The following VPS9D1 variants were observed in gnomAD, a reference collection of about 807,000 sequenced individuals.
VPS9D1 encodes the protein VPS9 domain containing 1, also known as VPS9 domain-containing protein 1.
VPS9D1 carries 78 observed loss-of-function variants against 75.8 expected under a neutral mutation model. The observed-to-expected ratio is 1.03, with a 90% CI of 0.86 to 1.24. The LOEUF (loss-of-function observed/expected upper bound fraction) is 1.24, where lower values mean the gene tolerates loss of function less well. Ranked by LOEUF, VPS9D1 falls within the 50% of genes most tolerant of loss-of-function variation. The pLI is 0.00. For missense variants in VPS9D1, 1,057 were observed against 847.7 expected (o/e 1.25, Z -3.07); for synonymous variants, 481 against 385.6 (o/e 1.25, Z -2.90).
chr16:89,708,005 C>T, intron 14 of VPS9D1, 51 bp from the exon 15 acceptor site: 1 of 1,549,580 alleles, frequency 6.5e-7, no homozygotes, highest in Non-Finnish European at 8.9e-7. Context: ...CAGAAGGATA[C>T]CCCCGGCCCT....
Position 89,710,623 on chromosome 16 carries a change from C to T in VPS9D1, c.1221G>A (p.Gln407=). 1 of 1,609,866 alleles carries T rather than the reference C, an allele frequency of 6.2e-7. No homozygotes were observed. Among genetic ancestry groups the T allele is most frequent in the Non-Finnish European group, 8.5e-7 (1 of 1,177,492 alleles). ...RGVQPEPQLQ[Q]LKTAVEEIHN... ...GGATCTCCTCCACCGCGGTCTTCAG[C>T]TGCTGCAGCTGGGGCTCCGGCTGTA... is the stretch of plus-strand genomic sequence containing the variant. The change falls in exon 10 of 15, where the codon CAG becomes CAA. Residue 407 remains glutamine, a synonymous_variant. Coordinates refer to ENST00000389386, the MANE Select transcript of VPS9D1 (RefSeq NM_004913.3).
intron 14 of VPS9D1, 119 bp from the exon 15 acceptor site, chr16:89,708,073 G>A: frequency 2.1e-6 from 2 of 946,150 alleles, no homozygotes; most frequent in Non-Finnish European, 3.3e-6. Flanking sequence ...GTGGGCAGGT[G>A]GGGCTGTCAG....
intron 4 of VPS9D1, among the ~76,000 whole-genome samples, chr16:89,713,615 G>C (rs2060993011): frequency 6.6e-6 from 1 of 152,102 alleles, no homozygotes; most frequent in African/African-American, 2.4e-5. Context: ...CGTTATATGT[G>C]TTTGGCAACA....
rs1219985198 is a variant in VPS9D1 at position 89,711,922 on chromosome 16, C to T, written c.707G>A (p.Arg236Gln). Residue 236 changes from arginine (R) to glutamine (Q), a missense_variant, in exon 8 of 15, where the codon CGG becomes CAG. Physicochemically the swap from Arg to Gln is conservative, Grantham distance 43. Transcript: ENST00000389386. ...CTCCAGGATGGCGGCGTAAAGGGCCCGCTGCTCCCGTTCCTCCGGGGTCAG... is the reference window on the plus strand; with the variant it reads ...CTCCAGGATGGCGGCGTAAAGGGCCTGCTGCTCCCGTTCCTCCGGGGTCAG... ...VALTPEEREQRALYAAILEYE... is the reference protein window; with the variant it reads ...VALTPEEREQQALYAAILEYE... 7.1e-6 allele frequency: 11 copies of T among 1,551,458 alleles called. No homozygotes were observed. Among genetic ancestry groups the T allele is most frequent in the Admixed American group, 2.0e-5 (1 of 51,094 alleles).
In VPS9D1 at chr16:89,720,858, C is replaced by T; in HGVS notation, c.4G>A (p.Ala2Thr). 5.7e-6 allele frequency: 8 copies of T among 1,396,546 alleles called. No homozygotes were observed. The highest frequency in any genetic ancestry group is 7.5e-6 in the Non-Finnish European group (8 of 1,069,278). The allele number at this position is 1,396,546 out of a possible 1,614,324, so 86.5% of individuals were successfully genotyped here. Residue 2 changes from alanine (A) to threonine (T), a missense_variant, in exon 1 of 15, where the codon GCC (alanine) becomes ACC (threonine). Physicochemically the swap from Ala to Thr is moderately conservative, Grantham distance 58. Transcript: ENST00000389386. The part of the protein sequence containing the change: M[A>T]AAAGDGTVKP... Reference sequence around the variant, plus strand: ...ACCGTGCCGTCCCCGGCCGCAGCGGCCATGGCGCCGAGCGGGGGAGGCGGC... The same window carrying T: ...ACCGTGCCGTCCCCGGCCGCAGCGGTCATGGCGCCGAGCGGGGGAGGCGGC...
In VPS9D1 at chr16:89,709,878, G is replaced by T; in HGVS notation, c.1287C>A (p.Ala429=). 6.2e-7 allele frequency: 1 copy of T among 1,612,988 alleles called. No individual in the cohort carries two copies. Among genetic ancestry groups the T allele is most frequent in the South Asian group, 1.1e-5 (1 of 91,040 alleles). Residue 429 remains alanine (A), a synonymous_variant, in exon 11 of 15, where the codon GCC becomes GCA. Transcript: ENST00000389386. ...VDRLLSLTLL[A]FEGLNTAASK... ...AGGCAGCTGTGTTTAGGCCTTCGAA[G>T]GCCAGAAGGGTCAGCGAGAGCAGCC...
intron 13 of VPS9D1, 100 bp from the exon 14 acceptor site, chr16:89,708,631 C>T: frequency 1.5e-6 from 2 of 1,310,918 alleles, no homozygotes; most frequent in Non-Finnish European, 2.1e-6. Flanking sequence ...GCCGCCATCT[C>T]TGTGCCCTTC....
At position 89,711,931 on chromosome 16, in the gene VPS9D1, C is replaced by G. The variant is rs770636061; in HGVS notation, c.698G>C (p.Arg233Pro). ...CSQVALTPEE[R>P]EQRALYAAIL... is the part of the protein sequence containing the mutation. The stretch of plus-strand genomic sequence containing the variant: ...GGCGGCGTAAAGGGCCCGCTGCTCC[C>G]GTTCCTCCGGGGTCAGGGCGACTTG... Residue 233 changes from arginine to proline, a missense_variant, in exon 8 of 15, where the codon CGG becomes CCG. Arg to Pro is a moderately radical substitution (Grantham distance 103, BLOSUM62 -2). Transcript: ENST00000389386. 4 of 1,551,666 alleles carry G rather than the reference C, an allele frequency of 2.6e-6. No homozygotes were observed. The Middle Eastern group carries it at 5.0e-4, about 194-fold the overall frequency.
chr16:89,716,633 C>A lies in VPS9D1; in HGVS notation c.269-9G>T. On this transcript the variant is annotated splice_polypyrimidine_tract_variant and intron_variant, in intron 3 of 14. Coordinates refer to ENST00000389386, the MANE Select transcript of VPS9D1 (RefSeq NM_004913.3). ...CTTCAGGCGTGTTTTCCCTGCAAGC[C>A]ATGGGTAACCAGGGGTCAAGCGGTG... 2 of 1,611,724 alleles carry A rather than the reference C, an allele frequency of 1.2e-6. No individual in the cohort carries two copies. The highest frequency in any genetic ancestry group is 1.7e-6 in the Non-Finnish European group (2 of 1,178,324).
rs374771307 is a variant in VPS9D1, at chr16:89,709,800, C to T, written c.1365G>A (p.Trp455Ter). Residue 455 changes from tryptophan to a stop codon, truncating the protein, a stop_gained, in exon 11 of 15, where the codon TGG becomes TGA. Transcript: ENST00000389386. LOFTEE classifies it high-confidence loss of function. ...ACCTGTACAGGGCCAGCAGCAGAGGCCACAGCGGGGAGAAAAAGGGTTCCT... is the reference window on the plus strand; with the variant it reads ...ACCTGTACAGGGCCAGCAGCAGAGGTCACAGCGGGGAGAAAAAGGGTTCCT... The part of the protein sequence containing the change: ...CIEEPFFSPL[W>*]PLLLALYRSV... 4.3e-6 allele frequency: 7 copies of T among 1,613,622 alleles called. No individual in the cohort carries two copies. The highest frequency in any genetic ancestry group is 5.1e-6 in the Non-Finnish European group (6 of 1,179,902).
intron 9 of VPS9D1, 29 bp downstream of exon 9, chr16:89,711,298 G>C: frequency 6.3e-7 from 1 of 1,585,562 alleles, no homozygotes. Context: ...GGTGCGCAGG[G>C]GCTCTGTGGG....
At chr16:89,711,740 CT>C (rs1275913753) in intron 8 of VPS9D1, 141 bp downstream of exon 8, 1 of 1,070,380 alleles carries the variant, frequency 9.3e-7, no homozygotes, top group African/African-American at 1.6e-5. Context: ...TCACCGGGCC[CT>C]CCCACGGGCC....
intron 8 of VPS9D1, 104 bp downstream of exon 8, chr16:89,711,778 C>T (rs972559752): frequency 2.9e-6 from 4 of 1,364,898 alleles, no homozygotes; most frequent in East Asian, 5.1e-5. Context: ...CACTGCCCCC[C>T]ACAGCCTCTG....
intron 4 of VPS9D1, among the ~76,000 whole-genome samples, chr16:89,714,883 C>T (rs552405851): frequency 3.0e-4 from 45 of 152,056 alleles, no homozygotes; most frequent in South Asian, 8.3e-4. Context: ...TACAGGCACG[C>T]GCCACCATGC....
chr16:89,707,691 T>A lies in VPS9D1; in HGVS notation c.*170A>T, dbSNP rs1249460893. The A allele has an allele frequency of 1.7e-6, 1 of 603,592 alleles. No individual in the cohort carries two copies. The highest frequency in any genetic ancestry group is 2.9e-6 in the Non-Finnish European group (1 of 341,758). 37.4% of individuals were successfully genotyped at this position (603,592 alleles called of 1,614,324 possible). On this transcript the variant is annotated 3_prime_UTR_variant, in exon 15 of 15. Coordinates refer to ENST00000389386, the MANE Select transcript of VPS9D1 (RefSeq NM_004913.3). The stretch of plus-strand genomic sequence containing the variant: ...CCAAGCTCCAGGGTCAGATGTGAGG[T>A]GAGGAAGGTGAAGAGCTGGAGAGCA...
At chr16:89,709,713 C>A in intron 11 of VPS9D1, 64 bp downstream of exon 11, 2 of 1,608,878 alleles carry the variant, frequency 1.2e-6, no homozygotes, top group Non-Finnish European at 1.7e-6. Flanking sequence ...GCAGGGCAGG[C>A]CTCCTGGGGG....
chr16:89,712,043 C>G lies in VPS9D1; in HGVS notation c.659+4G>C. The G allele has an allele frequency of 6.5e-7, 1 of 1,549,112 alleles. No homozygotes were observed. The highest frequency in any genetic ancestry group is 8.7e-7 in the Non-Finnish European group (1 of 1,146,752). On this transcript the variant is annotated splice_donor_region_variant and intron_variant, in intron 7 of 14. Transcript: ENST00000389386. ...GCGGCCCCAGGGGCGGGCAGGAGTC[C>G]CACCTGTTGGCGGCCTCCTGGAGCC...
chr16:89,717,741 C>T (rs1387273539), intron 2 of VPS9D1: 1 of 456,578 alleles, frequency 2.2e-6, no homozygotes, highest in Non-Finnish European at 4.4e-6. Context: ...TCCTCTGCCA[C>T]TCCTCCACCC....
In VPS9D1 at chr16:89,707,767, G is replaced by A. The variant is rs1192405016; in HGVS notation, c.*94C>T. The A allele has an allele frequency of 1.8e-6, 2 of 1,142,408 alleles. No individual in the cohort carries two copies. The highest frequency in any genetic ancestry group is 2.6e-6 in the Non-Finnish European group (2 of 769,536). 70.8% of individuals were successfully genotyped at this position (1,142,408 alleles called of 1,614,324 possible). On this transcript the variant is annotated 3_prime_UTR_variant, in exon 15 of 15. Coordinates refer to ENST00000389386, the MANE Select transcript of VPS9D1 (RefSeq NM_004913.3). Reference sequence around the variant, plus strand: ...TGTGCAGAGCAGCGTGAGGCTCCAGGATGGTCCTCAGTAGATCCCATGGCT... The same window carrying A: ...TGTGCAGAGCAGCGTGAGGCTCCAGAATGGTCCTCAGTAGATCCCATGGCT...
Sources: allele counts gnomAD v4.1 joint callset (sites outside exome capture counted in the v4.1 genomes callset), GRCh38; gene constraint gnomAD v4.1.1; transcripts MANE v1.5; gene names NCBI Gene and HGNC (gene_info 2026-07-23, HGNC 2026-07-21).